RBM20: variants seen among roughly 807,000 people sequenced by gnomAD.
RBM20 encodes the protein RNA binding motif protein 20.
RBM20 carries 51 observed loss-of-function variants against 110.1 expected under a neutral mutation model. That is an observed-to-expected ratio of 0.46 (90% CI 0.37 to 0.59). RBM20 has a LOEUF of 0.59. RBM20 is among the 20% of genes least tolerant of loss of function. The pLI, the probability that RBM20 is intolerant of heterozygous loss-of-function variation, is 0.00. For missense variants in RBM20, 1,512 were observed against 1,574.9 expected, an observed-to-expected ratio of 0.96 and a Z score of 0.68; for synonymous variants, 589 against 618.2, an observed-to-expected ratio of 0.95 and a Z score of 0.70.
At chr10:110,687,995 T>TTGTGTGTGTGTGTGTGTGTGTG (rs60479740) in intron 1 of RBM20, among the ~76,000 whole-genome samples, 1 of 145,376 alleles carries the variant, frequency 6.9e-6, no homozygotes, top group African/African-American at 2.5e-5. Context: ...CTAAATGGTT[T>TTGTGTGTGTGTGTGTGTGTGTG]TGTGTGTGTG....
At chr10:110,690,225 G>A (rs1274618851) in intron 1 of RBM20, among the ~76,000 whole-genome samples, 1 of 152,136 alleles carries the variant, frequency 6.6e-6, no homozygotes, top group African/African-American at 2.4e-5. Context: ...GGGCAACACA[G>A]TGAGCCCTCC....
At chr10:110,782,021 A>G (rs1215169999) in intron 2 of RBM20, 137 bp downstream of exon 2, 1 of 1,048,444 alleles carries the variant, frequency 9.5e-7, no homozygotes, top group Non-Finnish European at 1.4e-6. Context: ...ATTCTTGACT[A>G]AAATCACAGG....
chr10:110,805,543 C>T (rs10218964), intron 7 of RBM20, among the ~76,000 whole-genome samples: 3,557 of 152,322 alleles, frequency 0.023, 158 homozygotes, highest in African/African-American at 0.081. Context: ...GTGACTTTTA[C>T]GGGTGTAGCC....
intron 12 of RBM20, among the ~76,000 whole-genome samples, chr10:110,829,803 C>T (rs960377448): frequency 6.6e-6 from 1 of 152,158 alleles, no homozygotes; most frequent in African/African-American, 2.4e-5. Flanking sequence ...GTCCCCATCC[C>T]TGCAAGAAAT....
intron 1 of RBM20, among the ~76,000 whole-genome samples, chr10:110,725,616 A>T (rs1843552020): frequency 6.6e-6 from 1 of 152,254 alleles, no homozygotes; most frequent in African/African-American, 2.4e-5. Flanking sequence ...CATGTATAAC[A>T]TAAAATGGAA....
intron 1 of RBM20, among the ~76,000 whole-genome samples, chr10:110,696,366 G>A (rs1239109222): frequency 6.6e-6 from 1 of 152,136 alleles, no homozygotes; most frequent in Non-Finnish European, 1.5e-5. Context: ...TCTGTGCTCA[G>A]TCACTTCTTG....
chr10:110,802,610 G>A (rs1590689357), intron 7 of RBM20, among the ~76,000 whole-genome samples: 2 of 152,178 alleles, frequency 1.3e-5, no homozygotes, highest in East Asian at 1.9e-4. Context: ...TTAAATTAAA[G>A]TACCAAAGCA....
chr10:110,674,411 T>C (rs1862303488), intron 1 of RBM20, among the ~76,000 whole-genome samples: 1 of 152,212 alleles, frequency 6.6e-6, no homozygotes, highest in Admixed American at 6.5e-5. Flanking sequence ...GATTCCAGTG[T>C]CCTGAAGTTT....
At chr10:110,783,812 A>G (rs1043726675) in intron 3 of RBM20, among the ~76,000 whole-genome samples, 1 of 152,226 alleles carries the variant, frequency 6.6e-6, no homozygotes, top group Non-Finnish European at 1.5e-5. Flanking sequence ...CACATTCACG[A>G]CATTGTGCAA....
At chr10:110,723,708 C>T (rs1843533062) in intron 1 of RBM20, among the ~76,000 whole-genome samples, 1 of 152,208 alleles carries the variant, frequency 6.6e-6, no homozygotes, top group Admixed American at 6.5e-5. Context: ...TGCTTAATGG[C>T]CATTTGCATG....
chr10:110,669,450 A>G (rs1478405703), intron 1 of RBM20, among the ~76,000 whole-genome samples: 1 of 152,220 alleles, frequency 6.6e-6, no homozygotes, highest in African/African-American at 2.4e-5. Flanking sequence ...AAAGCCTCTT[A>G]TGGTTTTTTG....
intron 3 of RBM20, among the ~76,000 whole-genome samples, chr10:110,783,959 C>G (rs1278178970): frequency 6.6e-6 from 1 of 152,230 alleles, no homozygotes; most frequent in African/African-American, 2.4e-5. Flanking sequence ...ACGGATTTGC[C>G]TGTTCTGTAC....
chr10:110,768,849 G>A (rs1180779777), intron 1 of RBM20, among the ~76,000 whole-genome samples: 1 of 152,176 alleles, frequency 6.6e-6, no homozygotes, highest in Non-Finnish European at 1.5e-5. Context: ...AATATTTATC[G>A]ATTTGCATGA....
chr10:110,691,877 T>C (rs1483307380), intron 1 of RBM20, among the ~76,000 whole-genome samples: 1 of 152,200 alleles, frequency 6.6e-6, no homozygotes, highest in African/African-American at 2.4e-5. Flanking sequence ...ATTCCCCATA[T>C]GTTTTCTTCT....
intron 1 of RBM20, among the ~76,000 whole-genome samples, chr10:110,767,855 A>G (rs1306268497): frequency 6.6e-6 from 1 of 151,392 alleles, no homozygotes; most frequent in African/African-American, 2.4e-5. Context: ...CTGGGCAGCC[A>G]GGCAGAGGGG....
upstream of RBM20, among the ~76,000 whole-genome samples, chr10:110,643,979 C>T (rs1861825703): frequency 6.6e-6 from 1 of 152,186 alleles, no homozygotes; most frequent in Non-Finnish European, 1.5e-5. Context: ...CAGGGACAGC[C>T]GGAGGACTCA....
chr10:110,831,675 A>AAAC lies in RBM20; in HGVS notation c.3573+495_3573+496insCAA, dbSNP rs1344927046. On this transcript the variant is annotated intron_variant, in intron 13 of 13. Transcript: ENST00000369519. ...TCCCTGCTTGCTAGAATAAAAAAAAAAAAAAAAAAAAAAAAACACTGCTTT... is the reference window on the plus strand; with the variant it reads ...TCCCTGCTTGCTAGAATAAAAAAAAAAACAAAAAAAAAAAAAAAACACTGCTTT... Among the ~76,000 whole-genome samples the AAAC allele has an allele frequency of 4.2e-4, 59 of 139,472 alleles. No homozygotes were observed. The East Asian group carries it at 7.7e-3, about 18-fold the overall frequency. The allele number at this position is 139,472 out of a possible 152,430, so 91.5% of individuals were successfully genotyped here. A position where few individuals can be genotyped will look rare whatever the true frequency, so the allele number is the denominator to read the frequency against.
Position 110,780,074 on chromosome 10 carries a change from G to T in RBM20, c.192-727G>T, listed in dbSNP as rs563387059. 6.0e-4 allele frequency among the ~76,000 whole-genome samples: 91 copies of T among 152,214 alleles called. No homozygotes were observed. In the South Asian group the frequency reaches 0.018, roughly 30 times the overall value. On this transcript the variant is annotated intron_variant, in intron 1 of 13. Transcript: ENST00000369519. ...AATCACGGGGAAGGGTGAGGTGGGG[G>T]GAGCACGTAACCAAGGGAGATTTAT...
In RBM20 at chr10:110,797,602, C is replaced by T; in HGVS notation, c.1622C>T (p.Pro541Leu). Residue 541 changes from proline (P) to leucine (L), a missense_variant, in exon 6 of 14, where the codon CCC becomes CTC. Pro to Leu is a moderately conservative substitution (Grantham distance 98). Coordinates refer to ENST00000369519, the MANE Select transcript of RBM20 (RefSeq NM_001134363.3). ...TENDVINLGL[P>L]FGKVTNYILM... ...AATGACGTCATTAACCTGGGGCTGC[C>T]CTTTGGAAAGGTCACTAATTACATC... 1 of 1,551,738 alleles carries T rather than the reference C, an allele frequency of 6.4e-7. No individual in the cohort carries two copies. The highest frequency in any genetic ancestry group is 2.4e-5 in the East Asian group (1 of 40,916).
Sources: gnomAD v4.1 joint callset for allele counts (sites outside exome capture counted in the v4.1 genomes callset) on GRCh38, gnomAD v4.1.1 for gene constraint, MANE v1.5 for transcripts, NCBI Gene and HGNC (gene_info 2026-07-23, HGNC 2026-07-21) for gene names.